TMEM132B: variants seen among roughly 807,000 people sequenced by gnomAD.
TMEM132B encodes the protein transmembrane protein 132B.
TMEM132B carries 18 observed loss-of-function variants against 90.8 expected under a neutral mutation model. The ratio of observed to expected loss-of-function variants is 0.20; its 90% CI spans 0.14 to 0.29. The LOEUF is 0.29. Ranked by LOEUF, TMEM132B falls within the 10% of genes least tolerant of loss-of-function variation. The probability of loss-of-function intolerance (pLI) is 1.00; values close to 1 mark genes in which losing one functional copy is unlikely to be tolerated. For missense variants in TMEM132B, 1,096 were observed against 1,326.8 expected (o/e 0.83, Z 2.70); for synonymous variants, 504 against 523.3 (o/e 0.96, Z 0.50).
At chr12:125,316,290 T>C (rs1382259393) in intron 1 of TMEM132B, among the ~76,000 whole-genome samples, 2 of 152,194 alleles carry the variant, frequency 1.3e-5, no homozygotes, top group African/African-American at 4.8e-5. Context: ...GCTGCCTGGC[T>C]TGAGACCCCT....
chr12:125,369,529 C>A (rs1566015507), intron 2 of TMEM132B, among the ~76,000 whole-genome samples: 1 of 151,918 alleles, frequency 6.6e-6, no homozygotes, highest in Non-Finnish European at 1.5e-5. Flanking sequence ...TTGAATGAAT[C>A]CTGAAGGACT....
Position 125,406,162 on chromosome 12 carries a change from G to A in TMEM132B, c.960-9369G>A, listed in dbSNP as rs1879469723. On this transcript the variant is annotated intron_variant, in intron 2 of 8. Transcript: ENST00000682704. The surrounding 1 kb of genome is among the most constrained non-coding windows in gnomAD (Gnocchi z 8.3). ...TGCTAGTGAATTTCCAGTAGACTGT[G>A]AGTACCTTTTACTGTCCAAACAGGA... Among the ~76,000 whole-genome samples the A allele has an allele frequency of 6.6e-6, 1 of 152,210 alleles. No homozygotes were observed. Among genetic ancestry groups the A allele is most frequent in the Non-Finnish European group, 1.5e-5 (1 of 68,048 alleles).
intron 2 of TMEM132B, among the ~76,000 whole-genome samples, chr12:125,384,883 C>T (rs1348403919): frequency 3.3e-5 from 5 of 152,188 alleles, no homozygotes; most frequent in Non-Finnish European, 7.3e-5. Context: ...AACTCCAGAC[C>T]TCAGGTGATC....
Position 125,653,897 on chromosome 12 carries a change from G to A in TMEM132B, c.2439G>A (p.Arg813=), listed in dbSNP as rs1360982352. ...GCAATGATATTGAGGGCATAAATCG[G>A]GAATATAAAGACCACCTCAGTAATT... The part of the protein sequence containing the change: ...GGSNDIEGIN[R]EYKDHLSNSI... Residue 813 remains arginine (R), a synonymous_variant, in exon 9 of 9, where the codon CGG becomes CGA. Transcript: ENST00000682704. 1 of 1,614,140 alleles carries A rather than the reference G, an allele frequency of 6.2e-7. No homozygotes were observed. The highest frequency in any genetic ancestry group is 1.1e-5 in the South Asian group (1 of 91,072).
At chr12:125,278,869 A>G (rs957418736) in intron 1 of TMEM132B, among the ~76,000 whole-genome samples, 2 of 151,762 alleles carry the variant, frequency 1.3e-5, no homozygotes, top group African/African-American at 4.8e-5. Context: ...ACTGAGAGAA[A>G]CTCTTGAATT....
At chr12:125,479,048 GACAA>G (rs1881969572) in intron 3 of TMEM132B, among the ~76,000 whole-genome samples, 1 of 152,166 alleles carries the variant, frequency 6.6e-6, no homozygotes, top group Admixed American at 6.5e-5. Context: ...ATCCTTTACA[GACAA>G]ACAAATGCTG....
At chr12:125,636,353 C>A (rs1333196902) in intron 5 of TMEM132B, among the ~76,000 whole-genome samples, 1 of 152,094 alleles carries the variant, frequency 6.6e-6, no homozygotes, top group Non-Finnish European at 1.5e-5. Context: ...TTCTCAGTGT[C>A]CGCTTCCTTC....
chr12:125,414,257 A>G (rs1241944998), intron 2 of TMEM132B, among the ~76,000 whole-genome samples: 1 of 152,068 alleles, frequency 6.6e-6, no homozygotes, highest in Non-Finnish European at 1.5e-5. Context: ...CAGATAGACA[A>G]TTTGCATATA....
chr12:125,333,924 G>A (rs1876872974), intron 1 of TMEM132B, among the ~76,000 whole-genome samples: 1 of 152,102 alleles, frequency 6.6e-6, no homozygotes, highest in Non-Finnish European at 1.5e-5. Flanking sequence ...ATTTCTGCTG[G>A]GTTAACTCAC....
chr12:125,525,541 C>T (rs1883429306), intron 4 of TMEM132B, among the ~76,000 whole-genome samples: 1 of 152,258 alleles, frequency 6.6e-6, no homozygotes, highest in Non-Finnish European at 1.5e-5. Context: ...AGATCTTCAG[C>T]AGACACTGAC....
intron 1 of TMEM132B, chr12:125,301,031 A>G (rs1875810797): frequency 6.6e-6 from 1 of 152,038 alleles, no homozygotes; most frequent in Non-Finnish European, 1.5e-5. Flanking sequence ...ATATATGTAT[A>G]TATATATATG....
intron 1 of TMEM132B, among the ~76,000 whole-genome samples, chr12:125,340,175 A>T (rs1277676740): frequency 6.6e-6 from 1 of 152,230 alleles, no homozygotes; most frequent in Non-Finnish European, 1.5e-5. Flanking sequence ...GCTGAGGCAC[A>T]TACCAGAAAT....
chr12:125,399,483 ATGTG>A (rs1555246075), intron 2 of TMEM132B, among the ~76,000 whole-genome samples: 757 of 69,900 alleles, frequency 0.011, 10 homozygotes, highest in African/African-American at 0.021. Context: ...GTGTGTGTGT[ATGTG>A]TGTGTGTGTG....
chr12:125,575,865 T>C (rs1884930192), intron 4 of TMEM132B, among the ~76,000 whole-genome samples: 1 of 152,148 alleles, frequency 6.6e-6, no homozygotes, highest in Non-Finnish European at 1.5e-5. Context: ...AAAATCAATC[T>C]GCTGAAAATG....
In TMEM132B at chr12:125,544,409, G is replaced by A. The variant is rs1365397220; in HGVS notation, c.1293+24784G>A. Among the ~76,000 whole-genome samples, 5 of 152,282 alleles carry A rather than the reference G, an allele frequency of 3.3e-5. No individual in the cohort carries two copies. The East Asian group carries it at 7.7e-4, about 23-fold the overall frequency. ...TAACTTGGAATAATCACTGCGTCCA[G>A]GGAGATGAAAGAGGTTTATTAGGTG... is the stretch of plus-strand genomic sequence containing the variant. On this transcript the variant is annotated intron_variant, in intron 4 of 8. Coordinates refer to ENST00000682704, the MANE Select transcript of TMEM132B (RefSeq NM_001366854.1).
rs764742946 is a variant in TMEM132B, at chr12:125,349,653, A to G, written c.269A>G (p.Asn90Ser). The G allele has an allele frequency of 4.3e-6, 7 of 1,614,118 alleles. No homozygotes were observed. In the South Asian group the frequency reaches 4.4e-5, roughly 10 times the overall value. ...IYRARTPPIINASYGPFSVEK... is the reference protein window; with the variant it reads ...IYRARTPPIISASYGPFSVEK... ...CGAGCCAGGACACCCCCTATTATCA[A>G]TGCCAGCTATGGCCCATTTTCAGTG... The change falls in exon 2 of 9, where the codon AAT becomes AGT. Residue 90 changes from asparagine to serine, a missense_variant. By Grantham distance (46) the Asn-to-Ser change is conservative. Transcript: ENST00000682704. The surrounding 1 kb of genome is among the most constrained non-coding windows in gnomAD (Gnocchi z 4.1).
At chr12:125,633,013 G>A (rs1886402163) in intron 5 of TMEM132B, among the ~76,000 whole-genome samples, 1 of 151,956 alleles carries the variant, frequency 6.6e-6, no homozygotes, top group Admixed American at 6.6e-5. Context: ...CCTCTTCGAA[G>A]CCAATAACTC....
intron 3 of TMEM132B, among the ~76,000 whole-genome samples, chr12:125,515,390 TTCTC>T (rs557681848): frequency 5.3e-5 from 5 of 94,460 alleles, no homozygotes; most frequent in Non-Finnish European, 9.9e-5. Context: ...CTTTCACACA[TTCTC>T]TCACAAATAC....
At chr12:125,587,296 G>T (rs1188404960) in intron 5 of TMEM132B, 1 of 151,588 alleles carries the variant, frequency 6.6e-6, no homozygotes, top group African/African-American at 2.4e-5. Flanking sequence ...TCAACTGTTT[G>T]ATAAGGCTGC....
Sources: allele counts gnomAD v4.1 joint callset (sites outside exome capture counted in the v4.1 genomes callset), GRCh38; gene constraint gnomAD v4.1.1; non-coding constraint Gnocchi (gnomAD v3.1); transcripts MANE v1.5; gene names NCBI Gene and HGNC (gene_info 2026-07-23, HGNC 2026-07-21).